Variants in DGKB observed in about 807,000 individuals in gnomAD.
DGKB encodes the protein diacylglycerol kinase beta, also known as 90 kDa diacylglycerol kinase.
A neutral mutation model predicts 114.3 loss-of-function variants in DGKB; 67 were observed. The observed-to-expected ratio is 0.59, with a 90% CI of 0.48 to 0.72. The LOEUF (loss-of-function observed/expected upper bound fraction) is 0.72, where lower values mean the gene tolerates loss of function less well. DGKB is among the 30% of genes least tolerant of loss of function. The pLI is 0.00. For synonymous variants in DGKB, 398 were observed against 323.1 expected, an observed-to-expected ratio of 1.23 and a Z score of -2.49; for missense variants, 907 against 975.2, an observed-to-expected ratio of 0.93 and a Z score of 0.93.
intron 20 of DGKB, among the ~76,000 whole-genome samples, chr7:14,547,682 T>A (rs992953940): frequency 6.6e-6 from 1 of 151,872 alleles, no homozygotes; most frequent in African/African-American, 2.4e-5. Context: ...AGAACTTTTT[T>A]TTAATGTTAA....
At chr7:14,753,612 T>C (rs1251629813) in intron 4 of DGKB, among the ~76,000 whole-genome samples, 1 of 152,192 alleles carries the variant, frequency 6.6e-6, no homozygotes, top group African/African-American at 2.4e-5. Context: ...CTAAATAAAA[T>C]ATAATAGCAC....
chr7:14,517,711 C>T (rs74370121), intron 20 of DGKB, among the ~76,000 whole-genome samples: 1 of 151,784 alleles, frequency 6.6e-6, no homozygotes, highest in Non-Finnish European at 1.5e-5. Flanking sequence ...ATAAAAAAGG[C>T]CCAAAATCAA....
intron 23 of DGKB, among the ~76,000 whole-genome samples, chr7:14,244,760 CAG>C (rs1183980107): frequency 1.3e-5 from 2 of 151,122 alleles, no homozygotes; most frequent in African/African-American, 4.9e-5. Context: ...GGTCCCTTTC[CAG>C]AGAGTTTCCT....
chr7:14,546,850 A>G (rs1321090484), intron 20 of DGKB, among the ~76,000 whole-genome samples: 2 of 152,200 alleles, frequency 1.3e-5, no homozygotes, highest in Non-Finnish European at 2.9e-5. Context: ...GTCTCATTTC[A>G]GTTTAAAGTT....
chr7:14,640,930 A>T (rs1312866676), intron 13 of DGKB, among the ~76,000 whole-genome samples: 2 of 152,176 alleles, frequency 1.3e-5, no homozygotes, highest in East Asian at 3.8e-4. Context: ...TGTAAAAATT[A>T]AAAGATAAAA....
chr7:14,943,190 T>G (rs191991206), intron 1 of DGKB, among the ~76,000 whole-genome samples: 19 of 152,098 alleles, frequency 1.2e-4, no homozygotes, highest in Admixed American at 2.6e-4. Context: ...TGTCTATCTG[T>G]TGTGTTATAA....
At chr7:14,777,884 CTAATT>C (rs1401692272) in intron 2 of DGKB, among the ~76,000 whole-genome samples, 1 of 151,930 alleles carries the variant, frequency 6.6e-6, no homozygotes, top group Non-Finnish European at 1.5e-5. Context: ...CAAGTTTGAA[CTAATT>C]TAATTTGTCA....
chr7:14,578,181 G>GC (rs1274475038), intron 19 of DGKB, among the ~76,000 whole-genome samples: 1 of 152,056 alleles, frequency 6.6e-6, no homozygotes, highest in Non-Finnish European at 1.5e-5. Context: ...TGTAAAAAAT[G>GC]CCTTTGCTTC....
chr7:14,187,352 T>A (rs1346973091), intron 23 of DGKB, among the ~76,000 whole-genome samples: 1 of 151,992 alleles, frequency 6.6e-6, no homozygotes, highest in African/African-American at 2.4e-5. Flanking sequence ...TCACCACACC[T>A]GCACACACCT....
chr7:14,368,349 T>C (rs2128645446), intron 21 of DGKB, among the ~76,000 whole-genome samples: 1 of 152,318 alleles, frequency 6.6e-6, no homozygotes, highest in East Asian at 1.9e-4. Flanking sequence ...ATTTCACTGC[T>C]TTAAAAATCC....
chr7:14,766,636 C>T (rs1389255185), intron 2 of DGKB, among the ~76,000 whole-genome samples: 2 of 151,734 alleles, frequency 1.3e-5, no homozygotes, highest in African/African-American at 4.8e-5. Flanking sequence ...ATAGAGAAGC[C>T]TGGGCTGAAG....
At chr7:14,692,290 A>T (rs1823008381) in intron 9 of DGKB, among the ~76,000 whole-genome samples, 1 of 152,126 alleles carries the variant, frequency 6.6e-6, no homozygotes, top group Non-Finnish European at 1.5e-5. Flanking sequence ...TTACTTGCTC[A>T]TTCCTGCATC....
intron 2 of DGKB, among the ~76,000 whole-genome samples, chr7:14,794,732 T>C (rs1841158987): frequency 6.6e-6 from 1 of 152,102 alleles, no homozygotes; most frequent in Non-Finnish European, 1.5e-5. Flanking sequence ...AGGCATTTAA[T>C]TGAAAAAGAA....
intron 2 of DGKB, among the ~76,000 whole-genome samples, chr7:14,787,375 C>T (rs996623030): frequency 6.6e-6 from 1 of 152,110 alleles, no homozygotes; most frequent in East Asian, 1.9e-4. Flanking sequence ...AATGTCACCC[C>T]TATCAAACAG....
intron 23 of DGKB, among the ~76,000 whole-genome samples, chr7:14,237,135 C>T (rs1224135714): frequency 6.6e-6 from 1 of 151,974 alleles, no homozygotes; most frequent in African/African-American, 2.4e-5. Context: ...TTGCCTAGCA[C>T]ATTTCTACAT....
At chr7:14,780,334 C>T (rs1000435868) in intron 2 of DGKB, among the ~76,000 whole-genome samples, 1 of 152,180 alleles carries the variant, frequency 6.6e-6, no homozygotes, top group Non-Finnish European at 1.5e-5. Context: ...TGTGCTTTAG[C>T]ATCTTCGCCC....
intron 1 of DGKB, among the ~76,000 whole-genome samples, chr7:14,843,604 G>T (rs1175859934): frequency 2.0e-5 from 3 of 152,086 alleles, no homozygotes; most frequent in Admixed American, 6.6e-5. Flanking sequence ...AAAGTGCTGG[G>T]ATTACAGGCG....
intron 20 of DGKB, among the ~76,000 whole-genome samples, chr7:14,539,850 C>T (rs778872825): frequency 3.9e-5 from 6 of 152,018 alleles, no homozygotes; most frequent in Non-Finnish European, 8.8e-5. Flanking sequence ...CCAGGGGTAA[C>T]CACTTCAGGG....
intron 20 of DGKB, among the ~76,000 whole-genome samples, chr7:14,517,559 G>A (rs1051385632): frequency 6.6e-6 from 1 of 151,896 alleles, no homozygotes; most frequent in Admixed American, 6.6e-5. Context: ...TGTAAACTAT[G>A]CATCTGAAAA....
Sources: gnomAD v4.1 joint callset for allele counts (sites outside exome capture counted in the v4.1 genomes callset) on GRCh38, gnomAD v4.1.1 for gene constraint, MANE v1.5 for transcripts, NCBI Gene and HGNC (gene_info 2026-07-23, HGNC 2026-07-21) for gene names.